The following ZBTB49 variants were observed in gnomAD, a reference collection of about 807,000 sequenced individuals.
ZBTB49 encodes the protein zinc finger and BTB domain containing 49.
A neutral mutation model predicts 57.5 loss-of-function variants in ZBTB49; 43 were observed. That is an observed-to-expected ratio of 0.75 (90% CI 0.59 to 0.97). ZBTB49 has a LOEUF of 0.97. ZBTB49 is among the 50% of genes least tolerant of loss of function. The probability of loss-of-function intolerance (pLI) is 0.00; values close to 1 mark genes in which losing one functional copy is unlikely to be tolerated. For synonymous variants in ZBTB49, 369 were observed against 362.1 expected, an observed-to-expected ratio of 1.02 and a Z score of -0.22; for missense variants, 938 against 947.7, an observed-to-expected ratio of 0.99 and a Z score of 0.13.
In ZBTB49 at chr4:4,321,181, C is replaced by T. The variant is rs754544455; in HGVS notation, c.2163C>T (p.Asn721=). The change falls in exon 8 of 8, where the codon AAC becomes AAT. Residue 721 remains asparagine, a synonymous_variant. Coordinates refer to ENST00000337872, the MANE Select transcript of ZBTB49 (RefSeq NM_145291.4). The part of the protein sequence containing the change: ...MIRSSLAALD[N]HGGDPLGSRA... Reference sequence around the variant, plus strand: ...GTTCCTCTCTGGCTGCTTTGGACAACCACGGCGGTGACCCCCTGGGCAGTC... The same window carrying T: ...GTTCCTCTCTGGCTGCTTTGGACAATCACGGCGGTGACCCCCTGGGCAGTC... 5.0e-6 allele frequency: 8 copies of T among 1,614,212 alleles called. No individual in the cohort carries two copies. The highest frequency in any genetic ancestry group is 1.6e-4 in the Middle Eastern group (1 of 6,062).
At position 4,320,897 on chromosome 4, in the gene ZBTB49, C is replaced by G. The variant is rs34623124; in HGVS notation, c.1879C>G (p.Pro627Ala). The G allele has an allele frequency of 0.021, 33,588 of 1,614,198 alleles. 403 individuals carry two copies. The highest frequency in any genetic ancestry group is 0.024 in the Non-Finnish European group (28,449 of 1,180,034). The change falls in exon 8 of 8, where the codon CCA (proline) becomes GCA (alanine). Residue 627 changes from proline (P) to alanine (A), a missense_variant. Around this residue, in one of 3 missense-constraint regions of ZBTB49, gnomAD observed 835 missense variants for 819.1 expected, o/e 1.02. Coordinates refer to ENST00000337872, the MANE Select transcript of ZBTB49 (RefSeq NM_145291.4). ...FSQDTSVTLM[P>A]VSVKLPVHPV... The stretch of plus-strand genomic sequence containing the variant: ...CCAAGACACGTCTGTGACGCTGATG[C>G]CAGTGTCGGTTAAACTCCCTGTCCA...
rs368912133 is a variant in ZBTB49, at chr4:4,303,035, G to A, written c.1199G>A (p.Cys400Tyr). The change falls in exon 3 of 8, where the codon TGC becomes TAC. Residue 400 changes from cysteine to tyrosine, a missense_variant. Cys to Tyr is a radical substitution (Grantham distance 194). This residue lies in a region of ZBTB49 where 835 missense variants were observed against 819.1 expected (regional missense o/e 1.02). Transcript: ENST00000337872. ...CAGAGACAATACGCGTGTGAATTATGCGGGAAACCTTTTAAACACCCAAGC... is the reference window on the plus strand; with the variant it reads ...CAGAGACAATACGCGTGTGAATTATACGGGAAACCTTTTAAACACCCAAGC... The part of the protein sequence containing the change: ...QSQRQYACEL[C>Y]GKPFKHPSNL... 2 of 1,613,088 alleles carry A rather than the reference G, an allele frequency of 1.2e-6. No individual in the cohort carries two copies. The highest frequency in any genetic ancestry group is 1.7e-6 in the Non-Finnish European group (2 of 1,179,650).
intron 1 of ZBTB49, among the ~76,000 whole-genome samples, chr4:4,296,018 T>C (rs1231588687): frequency 1.3e-5 from 2 of 152,150 alleles, no homozygotes; most frequent in African/African-American, 4.8e-5. Flanking sequence ...ATGAAAGTGA[T>C]TGTCAAGGGA....
At chr4:4,294,204 AT>A (rs1013181352) in intron 1 of ZBTB49, among the ~76,000 whole-genome samples, 23 of 152,120 alleles carry the variant, frequency 1.5e-4, no homozygotes, top group East Asian at 7.7e-4. Flanking sequence ...GTAAGATACA[AT>A]TTTTTTTCCA....
At chr4:4,318,859 G>A (rs201358367) in intron 7 of ZBTB49, among the ~76,000 whole-genome samples, 1 of 148,894 alleles carries the variant, frequency 6.7e-6, no homozygotes, top group Admixed American at 6.7e-5. Context: ...ACTGTGATGT[G>A]TTGTTGCAGT....
intron 2 of ZBTB49, among the ~76,000 whole-genome samples, chr4:4,300,752 G>A (rs959562757): frequency 9.3e-5 from 14 of 150,502 alleles, no homozygotes; most frequent in African/African-American, 3.2e-4. Flanking sequence ...CTGTACTCCA[G>A]CCTGAGCAAC....
In ZBTB49 at chr4:4,292,472, A is replaced by C. The variant is rs140172669; in HGVS notation, c.-20+2120A>C. On this transcript the variant is annotated intron_variant, in intron 1 of 7. Coordinates refer to ENST00000337872, the MANE Select transcript of ZBTB49 (RefSeq NM_145291.4). ...CTGAGACACAGAGCCTGTGAAGAGT[A>C]GGGAACACATCTGTTCCGTTTGTCA... 4.5e-3 allele frequency among the ~76,000 whole-genome samples: 693 copies of C among 152,326 alleles called. 5 individuals carry two copies. Among genetic ancestry groups the C allele is most frequent in the African/African-American group, 0.016 (654 of 41,560 alleles).
intron 7 of ZBTB49, among the ~76,000 whole-genome samples, chr4:4,318,601 C>G (rs1721280894): frequency 1.3e-5 from 2 of 152,108 alleles, no homozygotes. Flanking sequence ...AAGTGAGACT[C>G]CATCTCAAAA....
At chr4:4,317,400 C>T (rs1396144298) in intron 7 of ZBTB49, among the ~76,000 whole-genome samples, 3 of 152,170 alleles carry the variant, frequency 2.0e-5, no homozygotes, top group African/African-American at 7.2e-5. Flanking sequence ...TTGGTAGATT[C>T]ACAAAGTTGT....
chr4:4,294,891 G>A (rs1378826805), intron 1 of ZBTB49, among the ~76,000 whole-genome samples: 2 of 151,494 alleles, frequency 1.3e-5, no homozygotes, highest in African/African-American at 4.9e-5. Flanking sequence ...GTGTGTGTGT[G>A]TGTGTGTGTG....
At chr4:4,314,439 T>C (rs1375776373) in intron 5 of ZBTB49, among the ~76,000 whole-genome samples, 1 of 152,268 alleles carries the variant, frequency 6.6e-6, no homozygotes, top group African/African-American at 2.4e-5. Context: ...TGGCTGAATC[T>C]CGGCTCACTG....
At chr4:4,300,444 C>T (rs16835529) in intron 2 of ZBTB49, among the ~76,000 whole-genome samples, 1,683 of 152,068 alleles carry the variant, frequency 0.011, 25 homozygotes, top group African/African-American at 0.039. Context: ...AATTAAGTTC[C>T]CGGTCAGAAT....
In ZBTB49 at chr4:4,303,089, C is replaced by T; in HGVS notation, c.1253C>T (p.Thr418Ile). The T allele has an allele frequency of 6.3e-7, 1 of 1,594,482 alleles. No homozygotes were observed. The highest frequency in any genetic ancestry group is 8.6e-7 in the Non-Finnish European group (1 of 1,168,904). The part of the protein sequence containing the change: ...SNLELHKRSH[T>I]GEKPFECNIC... ...TTGGAGCTTCACAAACGGTCTCATA[C>T]AGGTAACTGATTCAGTACCCACAGG... is the stretch of plus-strand genomic sequence containing the variant. Residue 418 changes from threonine (T) to isoleucine (I), a missense_variant and splice_region_variant, in exon 3 of 8, where the codon ACA (threonine) becomes ATA (isoleucine). Coordinates refer to ENST00000337872, the MANE Select transcript of ZBTB49 (RefSeq NM_145291.4).
intron 4 of ZBTB49, among the ~76,000 whole-genome samples, chr4:4,306,842 G>A (rs1471688725): frequency 6.6e-6 from 1 of 152,250 alleles, no homozygotes; most frequent in Non-Finnish European, 1.5e-5. Context: ...GCTTCCAGAG[G>A]TAGATCAGAT....
chr4:4,316,771 G>C (rs1235659288), intron 7 of ZBTB49, among the ~76,000 whole-genome samples: 2 of 152,204 alleles, frequency 1.3e-5, no homozygotes, highest in East Asian at 3.8e-4. Context: ...AGGAAACTCG[G>C]TTTTTGTCCC....
chr4:4,312,392 T>A (rs1298553732), intron 4 of ZBTB49, among the ~76,000 whole-genome samples: 1 of 152,232 alleles, frequency 6.6e-6, no homozygotes, highest in African/African-American at 2.4e-5. Context: ...GAAATCCATC[T>A]GATGATCTCC....
At chr4:4,303,760 C>CTCTCTCTCTGTGTGTG (rs1223289249) in intron 3 of ZBTB49, among the ~76,000 whole-genome samples, 12 of 121,416 alleles carry the variant, frequency 9.9e-5, no homozygotes, top group Admixed American at 2.5e-4. Flanking sequence ...CTCTCTCTCT[C>CTCTCTCTCTGTGTGTG]TGTGTGTGTG....
In ZBTB49 at chr4:4,301,716, G is replaced by A. The variant is rs936735391; in HGVS notation, c.153-273G>A. ...TGGTTTATCAGTCATATAAATGTAT[G>A]TAATTTTTTATTGTGTAAATTTGAG... On this transcript the variant is annotated intron_variant, in intron 2 of 7. Coordinates refer to ENST00000337872, the MANE Select transcript of ZBTB49 (RefSeq NM_145291.4). Among the ~76,000 whole-genome samples the A allele has an allele frequency of 2.0e-5, 3 of 152,026 alleles. No individual in the cohort carries two copies. In the South Asian group the frequency reaches 6.2e-4, roughly 32 times the overall value.
At chr4:4,308,977 A>C (rs1289802303) in intron 4 of ZBTB49, among the ~76,000 whole-genome samples, 1 of 152,252 alleles carries the variant, frequency 6.6e-6, no homozygotes, top group African/African-American at 2.4e-5. Flanking sequence ...GCAAGAAAGC[A>C]GTCAGATTGT....
Sources: gnomAD v4.1 joint callset for allele counts (sites outside exome capture counted in the v4.1 genomes callset) on GRCh38, gnomAD v4.1.1 for gene constraint, gnomAD v4.1.1 regional missense constraint, MANE v1.5 for transcripts, NCBI Gene and HGNC (gene_info 2026-07-23, HGNC 2026-07-21) for gene names.